The following FAM13A variants were observed in gnomAD, a reference collection of about 807,000 sequenced individuals.
FAM13A encodes family with sequence similarity 13 member A, also known as protein FAM13A.
In FAM13A, 76 loss-of-function variants were observed where a neutral mutation model predicts 129.6. That is an observed-to-expected ratio of 0.59 (90% confidence interval 0.49 to 0.71). FAM13A has a LOEUF of 0.71. Ranked by LOEUF, FAM13A falls within the 30% of genes least tolerant of loss-of-function variation. The pLI is 0.00. For missense variants in FAM13A, 1,108 were observed against 1,249.3 expected, an observed-to-expected ratio of 0.89 and a Z score of 1.70; for synonymous variants, 443 against 449.9, an observed-to-expected ratio of 0.98 and a Z score of 0.20.
At chr4:88,827,243 C>A (rs1733158113) in intron 7 of FAM13A, among the ~76,000 whole-genome samples, 1 of 152,170 alleles carries the variant, frequency 6.6e-6, no homozygotes, top group African/African-American at 2.4e-5. Flanking sequence ...GGGAATTCAC[C>A]AAACCTTCTT....
chr4:89,057,166 T>A lies in FAM13A; in HGVS notation c.-202A>T, dbSNP rs991999783. ...TCTCTTTCCGCTGAACCCACATGGC[T>A]GGAAGGACTGCCTGGAGTTGAAATT... On this transcript the variant is annotated 5_prime_UTR_variant, in exon 1 of 24. Transcript: ENST00000264344. 7.0e-7 allele frequency: 1 copy of A among 1,421,894 alleles called. No homozygotes were observed. The highest frequency in any genetic ancestry group is 1.4e-5 in the African/African-American group (1 of 69,116). 88.1% of individuals were successfully genotyped at this position (1,421,894 alleles called of 1,614,324 possible). A position where few individuals can be genotyped will look rare whatever the true frequency, so the allele number is the denominator to read the frequency against.
chr4:88,960,943 T>C (rs1377351850), intron 4 of FAM13A, among the ~76,000 whole-genome samples: 1 of 152,250 alleles, frequency 6.6e-6, no homozygotes, highest in Admixed American at 6.5e-5. Flanking sequence ...TGGAAATTGA[T>C]GACTTGCCTC....
At chr4:88,813,015 C>T (rs1729966093) in intron 7 of FAM13A, among the ~76,000 whole-genome samples, 1 of 152,140 alleles carries the variant, frequency 6.6e-6, no homozygotes. Flanking sequence ...TGGGTTTTCT[C>T]CCATCCTTAC....
chr4:88,823,261 A>T, intron 7 of FAM13A: 1 of 1,269,804 alleles, frequency 7.9e-7, no homozygotes, highest in Non-Finnish European at 9.9e-7. Context: ...CTTTTGTTCC[A>T]GGGAAGCAGC....
intron 6 of FAM13A, among the ~76,000 whole-genome samples, chr4:88,864,678 A>T (rs997546516): frequency 6.6e-6 from 1 of 152,204 alleles, no homozygotes; most frequent in Non-Finnish European, 1.5e-5. Flanking sequence ...AAGTGCTGGG[A>T]TTACAGGCAT....
chr4:89,029,005 C>T (rs1768353116), intron 2 of FAM13A, among the ~76,000 whole-genome samples: 1 of 152,154 alleles, frequency 6.6e-6, no homozygotes, highest in Admixed American at 6.5e-5. Flanking sequence ...GCATAGTAAG[C>T]TTTACATCAT....
chr4:88,907,487 T>C (rs1425152585), intron 5 of FAM13A, among the ~76,000 whole-genome samples: 1 of 152,222 alleles, frequency 6.6e-6, no homozygotes, highest in Non-Finnish European at 1.5e-5. Flanking sequence ...AAGGGAACAA[T>C]ATATTATTAG....
At chr4:88,884,807 A>G (rs1470999182) in intron 6 of FAM13A, among the ~76,000 whole-genome samples, 1 of 152,166 alleles carries the variant, frequency 6.6e-6, no homozygotes, top group Non-Finnish European at 1.5e-5. Flanking sequence ...AGTTTCAGGA[A>G]ACAAAATTAA....
intron 4 of FAM13A, among the ~76,000 whole-genome samples, chr4:88,956,404 T>C (rs116052429): frequency 0.011 from 1,730 of 152,322 alleles, 28 homozygotes; most frequent in African/African-American, 0.04. Flanking sequence ...GGGTAGGTTA[T>C]ACCTCTCGGT....
At position 88,967,179 on chromosome 4, in the gene FAM13A, C is replaced by G. The variant is rs141024385; in HGVS notation, c.605+23794G>C. On this transcript the variant is annotated intron_variant, in intron 4 of 23. Transcript: ENST00000264344. ...CTGACATAACAATAAACACTGTTACCTGTGATTATTATAATGATTATTTAT... is the reference window on the plus strand; with the variant it reads ...CTGACATAACAATAAACACTGTTACGTGTGATTATTATAATGATTATTTAT... 2.0e-3 allele frequency among the ~76,000 whole-genome samples: 305 copies of G among 152,220 alleles called. 4 individuals carry two copies. The highest frequency in any genetic ancestry group is 7.1e-3 in the African/African-American group (295 of 41,528).
At chr4:88,847,758 C>A (rs1736893371) in intron 7 of FAM13A, among the ~76,000 whole-genome samples, 1 of 152,074 alleles carries the variant, frequency 6.6e-6, no homozygotes, top group Non-Finnish European at 1.5e-5. Context: ...CACGGTGAAA[C>A]CCCGTCTCTA....
At chr4:88,868,605 A>G (rs920053329) in intron 6 of FAM13A, among the ~76,000 whole-genome samples, 3 of 152,146 alleles carry the variant, frequency 2.0e-5, no homozygotes, top group African/African-American at 7.2e-5. Context: ...CTTTGGTCTC[A>G]CATTAATGGC....
intron 7 of FAM13A, among the ~76,000 whole-genome samples, chr4:88,810,460 T>G (rs1458254957): frequency 6.6e-6 from 1 of 152,134 alleles, no homozygotes; most frequent in Non-Finnish European, 1.5e-5. Flanking sequence ...AGGGGAAATT[T>G]GGACACAGAG....
chr4:88,956,281 T>A (rs1489731577), intron 4 of FAM13A, among the ~76,000 whole-genome samples: 1 of 152,240 alleles, frequency 6.6e-6, no homozygotes, highest in Non-Finnish European at 1.5e-5. Flanking sequence ...TTTAGATATG[T>A]TCAGATAAAC....
At chr4:88,800,775 T>A (rs72663489) in intron 8 of FAM13A, among the ~76,000 whole-genome samples, 34 of 152,120 alleles carry the variant, frequency 2.2e-4, no homozygotes, top group Non-Finnish European at 4.1e-4. Flanking sequence ...AATAAGTAGT[T>A]GTGTCTAAAG....
In FAM13A at chr4:88,749,044, G is replaced by A. The variant is rs1741988630; in HGVS notation, c.2080-11C>T. On this transcript the variant is annotated splice_polypyrimidine_tract_variant and intron_variant, in intron 16 of 23. Transcript: ENST00000264344. The stretch of plus-strand genomic sequence containing the variant: ...GTCACTGTGGGAAGGCTGAGAAAAG[G>A]AAGTCTAGAGTAAATGCTTTGGAAC... 2 of 1,596,082 alleles carry A rather than the reference G, an allele frequency of 1.3e-6. No homozygotes were observed. The highest frequency in any genetic ancestry group is 8.6e-7 in the Non-Finnish European group (1 of 1,164,104).
chr4:88,762,149 C>A (rs1469927966), intron 13 of FAM13A, among the ~76,000 whole-genome samples: 1 of 152,062 alleles, frequency 6.6e-6, no homozygotes, highest in Non-Finnish European at 1.5e-5. Context: ...AAGTGAAAGG[C>A]CCTGAGGCAT....
chr4:88,894,995 T>C (rs921392499), intron 6 of FAM13A, among the ~76,000 whole-genome samples: 4 of 152,238 alleles, frequency 2.6e-5, no homozygotes, highest in African/African-American at 9.6e-5. Context: ...TTAACACTTA[T>C]ATAGTTGTGC....
At chr4:88,763,128 T>A (rs1362096947) in intron 13 of FAM13A, among the ~76,000 whole-genome samples, 3 of 152,200 alleles carry the variant, frequency 2.0e-5, no homozygotes, top group Non-Finnish European at 4.4e-5. Flanking sequence ...GTAAATTTCT[T>A]TGAACTTCAG....
Sources: gnomAD v4.1 joint callset for allele counts (sites outside exome capture counted in the v4.1 genomes callset) on GRCh38, gnomAD v4.1.1 for gene constraint, MANE v1.5 for transcripts, NCBI Gene and HGNC (gene_info 2026-07-23, HGNC 2026-07-21) for gene names.